Variants in DCAF6 observed in about 807,000 individuals in gnomAD.
DCAF6 encodes DDB1- and CUL4-associated factor 6.
A neutral mutation model predicts 125.1 loss-of-function variants in DCAF6; 54 were observed. That is an observed-to-expected ratio of 0.43 (90% CI 0.35 to 0.54). DCAF6 has a LOEUF of 0.54. Ranked by LOEUF, DCAF6 falls within the 20% of genes least tolerant of loss-of-function variation. The probability of loss-of-function intolerance (pLI) is 0.01; values close to 1 mark genes in which losing one functional copy is unlikely to be tolerated. For missense variants in DCAF6, 934 were observed against 1,161.7 expected (o/e 0.80, Z 2.85); for synonymous variants, 371 against 390.4 (o/e 0.95, Z 0.58).
At chr1:168,037,303 T>C (rs1203913495) in intron 12 of DCAF6, among the ~76,000 whole-genome samples, 1 of 152,142 alleles carries the variant, frequency 6.6e-6, no homozygotes, top group Non-Finnish European at 1.5e-5. Flanking sequence ...CTAAGTATAT[T>C]TGCTTTTATG....
intron 12 of DCAF6, among the ~76,000 whole-genome samples, chr1:168,034,841 ATG>A (rs1425169586): frequency 6.6e-6 from 1 of 152,218 alleles, no homozygotes; most frequent in Admixed American, 6.5e-5. Flanking sequence ...AATTTTTAGA[ATG>A]TGTTTGCTGA....
intron 3 of DCAF6, among the ~76,000 whole-genome samples, chr1:167,973,538 T>G (rs1338193320): frequency 6.6e-6 from 1 of 152,202 alleles, no homozygotes; most frequent in Non-Finnish European, 1.5e-5. Flanking sequence ...ATTTATTAAT[T>G]TACATTCTTC....
the DCAF6 span, among the ~76,000 whole-genome samples, chr1:167,881,482 GGGGGAAA>G: frequency 6.6e-6 from 1 of 152,170 alleles, no homozygotes; most frequent in East Asian, 1.9e-4. Context: ...TTGACATGAA[GGGGGAAA>G]CACTGCTTCT....
intron 3 of DCAF6, among the ~76,000 whole-genome samples, chr1:167,971,578 A>G (rs1677311691): frequency 6.6e-6 from 1 of 152,194 alleles, no homozygotes; most frequent in Admixed American, 6.5e-5. Flanking sequence ...GTTGTACGTG[A>G]CATGATTAAG....
At chr1:167,972,954 A>G (rs929119623) in intron 3 of DCAF6, among the ~76,000 whole-genome samples, 2 of 152,238 alleles carry the variant, frequency 1.3e-5, no homozygotes, top group African/African-American at 2.4e-5. Flanking sequence ...GAAATTATAA[A>G]TAAACCTCTT....
the DCAF6 span, among the ~76,000 whole-genome samples, chr1:167,863,729 C>T: frequency 2.1e-4 from 32 of 152,332 alleles, no homozygotes; most frequent in Non-Finnish European, 7.3e-5. Flanking sequence ...GCATTTGCCC[C>T]GGTGGGACAC....
chr1:167,936,223 A>G (rs1453179747), upstream of DCAF6: 3 of 243,094 alleles, frequency 1.2e-5, no homozygotes, highest in Non-Finnish European at 2.4e-5. Flanking sequence ...GGCGGGGTCG[A>G]GCGGAAACCT....
At chr1:168,007,557 A>G (rs1040631907) in intron 10 of DCAF6, among the ~76,000 whole-genome samples, 1 of 152,022 alleles carries the variant, frequency 6.6e-6, no homozygotes, top group African/African-American at 2.4e-5. Flanking sequence ...TTTAAAGGAT[A>G]TTTCTCTGTT....
chr1:168,014,742 A>G (rs1684733632), intron 10 of DCAF6, among the ~76,000 whole-genome samples: 2 of 152,138 alleles, frequency 1.3e-5, no homozygotes. Context: ...GCACATTCCT[A>G]TATGCTTTCC....
intron 19 of DCAF6, 61 bp downstream of exon 19, chr1:168,065,807 A>G (rs962329781): frequency 2.2e-5 from 32 of 1,456,310 alleles, no homozygotes; most frequent in Non-Finnish European, 3.0e-5. Context: ...CAGTCATACA[A>G]AATTATTCTT....
chr1:167,943,208 C>T (rs1022347925), intron 1 of DCAF6, among the ~76,000 whole-genome samples: 8 of 152,226 alleles, frequency 5.3e-5, no homozygotes, highest in East Asian at 1.9e-4. Flanking sequence ...CGCGCCTGGC[C>T]GAAATTTGGT....
At chr1:167,877,690 A>C in the DCAF6 span, among the ~76,000 whole-genome samples, 1 of 152,178 alleles carries the variant, frequency 6.6e-6, no homozygotes, top group Non-Finnish European at 1.5e-5. Context: ...ATGCTATAGG[A>C]GGAAAAAAGG....
chr1:168,033,659 G>A (rs943515306), intron 12 of DCAF6, among the ~76,000 whole-genome samples: 5 of 151,970 alleles, frequency 3.3e-5, no homozygotes, highest in African/African-American at 7.3e-5. Context: ...CTCAAGTTAC[G>A]GACCTTTCAC....
upstream of DCAF6, among the ~76,000 whole-genome samples, chr1:167,931,932 C>G (rs1045589906): frequency 3.9e-5 from 6 of 151,978 alleles, no homozygotes; most frequent in Non-Finnish European, 7.4e-5. Flanking sequence ...AAATATTATT[C>G]TTATTTAGAC....
At chr1:168,052,814 C>CG (rs979672292) in intron 17 of DCAF6, among the ~76,000 whole-genome samples, 5 of 152,296 alleles carry the variant, frequency 3.3e-5, no homozygotes, top group African/African-American at 7.2e-5. Flanking sequence ...CTCATCACCT[C>CG]TTACCTGGTG....
At chr1:167,930,596 CTT>C in the DCAF6 span, among the ~76,000 whole-genome samples, 1 of 152,148 alleles carries the variant, frequency 6.6e-6, no homozygotes, top group African/African-American at 2.4e-5. Flanking sequence ...CTGGAAAAGA[CTT>C]TAAGGAAAGT....
chr1:168,033,901 A>G (rs1012748952), intron 12 of DCAF6, among the ~76,000 whole-genome samples: 2 of 152,222 alleles, frequency 1.3e-5, no homozygotes, highest in Admixed American at 6.5e-5. Context: ...TTTCCCCACT[A>G]TATTGTGTGT....
intron 10 of DCAF6, among the ~76,000 whole-genome samples, chr1:168,011,499 T>A (rs1198007177): frequency 6.6e-6 from 1 of 152,208 alleles, no homozygotes; most frequent in African/African-American, 2.4e-5. Context: ...ACAAATTTAT[T>A]TTGGCCTATG....
chr1:168,032,431 A>G (rs966520546), intron 12 of DCAF6, among the ~76,000 whole-genome samples: 2 of 152,230 alleles, frequency 1.3e-5, no homozygotes, highest in African/African-American at 4.8e-5. Context: ...ATCTACAAAA[A>G]AGTTGTGGAT....
Sources: gnomAD v4.1 joint callset for allele counts (sites outside exome capture counted in the v4.1 genomes callset) on GRCh38, gnomAD v4.1.1 for gene constraint, MANE v1.5 for transcripts, NCBI Gene and HGNC (gene_info 2026-07-23, HGNC 2026-07-21) for gene names.